ZC3H12B: variants seen among roughly 807,000 people sequenced by gnomAD.
ZC3H12B encodes the protein probable ribonuclease ZC3H12B.
Under a neutral mutation model 43.9 loss-of-function variants are expected in ZC3H12B, and 7 were observed. The observed-to-expected ratio is 0.16, with a 90% CI of 0.09 to 0.30. The LOEUF is 0.30. Ranked by LOEUF, ZC3H12B falls within the 10% of genes least tolerant of loss-of-function variation. The pLI is 1.00. For synonymous variants in ZC3H12B, 222 were observed against 241.7 expected (o/e 0.92, Z 0.76); for missense variants, 475 against 670.2 (o/e 0.71, Z 3.22).
At chrX:65,430,641 T>G (rs1257982094) in intron 3 of ZC3H12B, among the ~76,000 whole-genome samples, 1 of 109,085 alleles carries the variant, frequency 9.2e-6, no homozygotes, top group Non-Finnish European at 1.9e-5. Context: ...ATGGTGTCCA[T>G]CTTCATCCAT....
chrX:65,173,602 A>G, the ZC3H12B span, among the ~76,000 whole-genome samples: 3 of 112,026 alleles, frequency 2.7e-5, no homozygotes, highest in Non-Finnish European at 5.6e-5. Context: ...TTCCATCAAT[A>G]TATAGTTTAT....
the ZC3H12B span, among the ~76,000 whole-genome samples, chrX:65,320,080 A>G: frequency 2.7e-5 from 3 of 111,244 alleles, no homozygotes; most frequent in East Asian, 5.7e-4. Context: ...GACATAGCAC[A>G]CAAATAAGAA....
At chrX:65,242,019 C>G in the ZC3H12B span, among the ~76,000 whole-genome samples, 1 of 111,315 alleles carries the variant, frequency 9.0e-6, no homozygotes, top group African/African-American at 3.3e-5. Context: ...ATCTCCTTAT[C>G]CGTGGGTTGC....
the ZC3H12B span, among the ~76,000 whole-genome samples, chrX:65,311,311 C>T: frequency 1.8e-5 from 2 of 111,248 alleles, no homozygotes; most frequent in African/African-American, 6.5e-5. Flanking sequence ...AAAAAAACAA[C>T]CCCATCAAAA....
At chrX:65,370,272 G>T (rs781487343) in intron 2 of ZC3H12B, among the ~76,000 whole-genome samples, 2 of 111,159 alleles carry the variant, frequency 1.8e-5, no homozygotes, top group East Asian at 2.8e-4. Flanking sequence ...GGCCATTATG[G>T]TATAGTGGAA....
At chrX:65,423,203 T>C (rs1443938688) in intron 3 of ZC3H12B, among the ~76,000 whole-genome samples, 1 of 111,452 alleles carries the variant, frequency 9.0e-6, no homozygotes, top group Non-Finnish European at 1.9e-5. Flanking sequence ...AGTGCTGGGA[T>C]TACAGGCATG....
chrX:65,251,502 G>A, the ZC3H12B span, among the ~76,000 whole-genome samples: 90 of 111,395 alleles, frequency 8.1e-4, no homozygotes, highest in Admixed American at 1.2e-3. Context: ...TGATGGGGAT[G>A]GCATTGAATC....
chrX:65,355,079 A>G, the ZC3H12B span, among the ~76,000 whole-genome samples: 3 of 111,794 alleles, frequency 2.7e-5, no homozygotes, highest in Non-Finnish European at 5.6e-5. Flanking sequence ...CTAGCAAGAC[A>G]GGCCAACATT....
chrX:65,238,968 GT>G, the ZC3H12B span, among the ~76,000 whole-genome samples: 11 of 111,427 alleles, frequency 9.9e-5, no homozygotes, highest in African/African-American at 2.0e-4. Context: ...GATGTCAGGG[GT>G]TTTTTTATTT....
At chrX:65,362,549 A>T (rs751225535), upstream of ZC3H12B, among the ~76,000 whole-genome samples, 39 of 109,809 alleles carry the variant, frequency 3.6e-4, no homozygotes, top group Admixed American at 4.9e-4. Flanking sequence ...CCCCAGTTCA[A>T]AGCCTCCTTC....
In ZC3H12B at chrX:65,443,764, G is replaced by T. The variant is rs558580621; in HGVS notation, n.408-44882G>T. Reference sequence around the variant, plus strand: ...CAGTTTGGGTGTTATGGCCATTATGGACATATTACATTGCTGCAGAGATTG... The same window carrying T: ...CAGTTTGGGTGTTATGGCCATTATGTACATATTACATTGCTGCAGAGATTG... On this transcript the variant is annotated intron_variant and non_coding_transcript_variant, in intron 3 of 5. Transcript: ENST00000617377. 3.6e-5 allele frequency among the ~76,000 whole-genome samples: 4 copies of T among 112,374 alleles called. No individual in the cohort carries two copies. The East Asian group carries it at 1.1e-3, about 31-fold the overall frequency.
the ZC3H12B span, among the ~76,000 whole-genome samples, chrX:65,113,794 T>A: frequency 1.4e-3 from 148 of 107,567 alleles, no homozygotes; most frequent in Non-Finnish European, 2.4e-3. Context: ...TTTTTAACAA[T>A]GAAGTATTTT....
chrX:65,309,898 C>A, the ZC3H12B span, among the ~76,000 whole-genome samples: 1 of 112,010 alleles, frequency 8.9e-6, no homozygotes, highest in African/African-American at 3.2e-5. Flanking sequence ...AAGACAAAAA[C>A]CACATAATTA....
At chrX:65,372,421 A>T (rs537810591) in intron 2 of ZC3H12B, among the ~76,000 whole-genome samples, 1 of 109,258 alleles carries the variant, frequency 9.2e-6, no homozygotes, top group East Asian at 2.9e-4. Flanking sequence ...TTTCAGCCTG[A>T]TTGCGGACAT....
At chrX:65,046,237 A>G in the ZC3H12B span, among the ~76,000 whole-genome samples, 1 of 111,856 alleles carries the variant, frequency 8.9e-6, no homozygotes, top group African/African-American at 3.2e-5. Context: ...ACTTCTCTCT[A>G]ACTGTGAAAG....
At chrX:65,131,835 C>T in the ZC3H12B span, among the ~76,000 whole-genome samples, 52 of 111,317 alleles carry the variant, frequency 4.7e-4, no homozygotes, top group African/African-American at 1.5e-3. Flanking sequence ...GGGGGATACC[C>T]GATATCCCTT....
chrX:65,110,116 G>A, the ZC3H12B span, among the ~76,000 whole-genome samples: 1 of 110,746 alleles, frequency 9.0e-6, no homozygotes, highest in African/African-American at 3.3e-5. Context: ...TTGCTAAAAT[G>A]TATTTTCATG....
chrX:65,374,131 G>C (rs1170702765), intron 2 of ZC3H12B, among the ~76,000 whole-genome samples: 1 of 65,325 alleles, frequency 1.5e-5, no homozygotes, highest in Non-Finnish European at 2.4e-5. Flanking sequence ...TATATATAGT[G>C]TATATATAAC....
At chrX:65,446,629 A>T (rs762913009) in intron 3 of ZC3H12B, among the ~76,000 whole-genome samples, 3 of 111,919 alleles carry the variant, frequency 2.7e-5, no homozygotes, top group Non-Finnish European at 5.6e-5. Flanking sequence ...CTGTGACAGG[A>T]TAGCACTGAG....
Sources: gnomAD v4.1 joint callset for allele counts (sites outside exome capture counted in the v4.1 genomes callset) on GRCh38, gnomAD v4.1.1 for gene constraint, MANE v1.5 for transcripts, NCBI Gene and HGNC (gene_info 2026-07-23, HGNC 2026-07-21) for gene names.